Variants in DLG5 observed in about 807,000 individuals in gnomAD.
DLG5 encodes the protein discs large MAGUK scaffold protein 5.
In DLG5, 48 loss-of-function variants were observed where a neutral mutation model predicts 189.8. That is an observed-to-expected ratio of 0.25 (90% CI 0.20 to 0.32). The LOEUF (loss-of-function observed/expected upper bound fraction) is 0.32, where lower values mean the gene tolerates loss of function less well. Ranked by LOEUF, DLG5 falls within the 10% of genes least tolerant of loss-of-function variation. The pLI is 1.00. For missense variants in DLG5, 2,160 were observed against 2,544.7 expected (o/e 0.85, Z 3.25); for synonymous variants, 1,016 against 1,054.1 (o/e 0.96, Z 0.70).
chr10:77,890,886 G>A (rs1434031287), intron 1 of DLG5, among the ~76,000 whole-genome samples: 3 of 152,098 alleles, frequency 2.0e-5, no homozygotes, highest in Admixed American at 6.5e-5. Flanking sequence ...GCACTGGAGG[G>A]TCTCCATGGG....
intron 1 of DLG5, among the ~76,000 whole-genome samples, chr10:77,917,856 G>A (rs989019235): frequency 3.3e-5 from 5 of 151,422 alleles, no homozygotes; most frequent in African/African-American, 1.2e-4. Context: ...GTGAAACCCC[G>A]TCTCTACTAA....
rs1474111283 is a variant in DLG5 at position 77,856,825 on chromosome 10, C to T, written c.441G>A (p.Glu147=). 1 of 1,613,180 alleles carries T rather than the reference C, an allele frequency of 6.2e-7. No homozygotes were observed. Among genetic ancestry groups the T allele is most frequent in the Non-Finnish European group, 8.5e-7 (1 of 1,179,994 alleles). The stretch of plus-strand genomic sequence containing the variant: ...TCAGCCGCAGCTGAATGGAGAGGTT[C>T]TCCACCTTCTCATTCACTTGCTGGT... The part of the protein sequence containing the change: ...LTDQQVNEKV[E]NLSIQLRLMT... Residue 147 remains glutamate (E), a synonymous_variant, in exon 3 of 32, where the codon GAG becomes GAA. Coordinates refer to ENST00000372391, the MANE Select transcript of DLG5 (RefSeq NM_004747.4).
At chr10:77,884,501 T>G (rs1149722) in intron 1 of DLG5, among the ~76,000 whole-genome samples, 38,682 of 151,708 alleles carry the variant, frequency 0.25, 5,508 homozygotes, top group Admixed American at 0.39. Flanking sequence ...CGGAGCACAT[T>G]GTTTCTACAG....
Position 77,855,654 on chromosome 10 carries a change from G to A in DLG5, c.536+1076C>T, listed in dbSNP as rs73301342. 3.7e-3 allele frequency among the ~76,000 whole-genome samples: 563 copies of A among 152,322 alleles called. 3 individuals are homozygous for A. Among genetic ancestry groups the A allele is most frequent in the South Asian group, 0.024 (117 of 4,828 alleles). On this transcript the variant is annotated intron_variant, in intron 3 of 31. Transcript: ENST00000372391. ...AACTCTCATGTGCTAGCACATCCACGTCTTCACTCATCCTGCCTTCGGGCC... is the reference window on the plus strand; with the variant it reads ...AACTCTCATGTGCTAGCACATCCACATCTTCACTCATCCTGCCTTCGGGCC...
chr10:77,881,529 T>C (rs891227275), intron 1 of DLG5, among the ~76,000 whole-genome samples: 2 of 152,204 alleles, frequency 1.3e-5, no homozygotes, highest in Admixed American at 6.5e-5. Flanking sequence ...TCTCTGGCCT[T>C]GTCACTCCTC....
intron 1 of DLG5, among the ~76,000 whole-genome samples, chr10:77,900,971 C>T (rs1242362990): frequency 6.6e-6 from 1 of 150,554 alleles, no homozygotes; most frequent in Non-Finnish European, 1.5e-5. Context: ...GCAAGCAAGC[C>T]GGGCATGGTG....
intron 1 of DLG5, among the ~76,000 whole-genome samples, chr10:77,896,612 G>C (rs189321077): frequency 1.9e-3 from 287 of 152,214 alleles, no homozygotes; most frequent in Non-Finnish European, 3.2e-3. Flanking sequence ...AGGCCAAGGG[G>C]GGGTGGATCA....
chr10:77,840,723 AAAAG>A (rs1843376269), intron 7 of DLG5, among the ~76,000 whole-genome samples: 1 of 152,174 alleles, frequency 6.6e-6, no homozygotes, highest in East Asian at 1.9e-4. Context: ...CTCATAAAAA[AAAAG>A]AAAGAAAGAA....
chr10:77,792,626 T>C (rs991319010), intron 31 of DLG5, 83 bp from the exon 32 acceptor site: 7 of 1,282,254 alleles, frequency 5.5e-6, no homozygotes, highest in African/African-American at 1.5e-5. Context: ...TTGCACTCTT[T>C]CTACTGTGTG....
chr10:77,916,115 G>C (rs1222721869), intron 1 of DLG5, among the ~76,000 whole-genome samples: 2 of 152,004 alleles, frequency 1.3e-5, no homozygotes, highest in African/African-American at 4.8e-5. Flanking sequence ...AACTACTCAG[G>C]AGGCTGAGGC....
intron 17 of DLG5, 140 bp from the exon 18 acceptor site, chr10:77,818,029 T>C (rs933254722): frequency 1.4e-5 from 10 of 692,038 alleles, no homozygotes; most frequent in South Asian, 3.7e-5. Flanking sequence ...CAGCCGAGGA[T>C]AGCAGGCTGC....
chr10:77,793,693 T>C, intron 31 of DLG5: 1 of 358,882 alleles, frequency 2.8e-6, no homozygotes, highest in South Asian at 3.2e-5. Flanking sequence ...GTCCCCGCCC[T>C]GCCTGGGGAC....
At chr10:77,819,650 G>A (rs138346637) in intron 16 of DLG5, 185 bp from the exon 17 acceptor site, 2 of 1,034,202 alleles carry the variant, frequency 1.9e-6, no homozygotes, top group East Asian at 2.6e-5. Context: ...TTGTAAAAAG[G>A]GGGGAAGTCT....
chr10:77,830,502 C>T (rs1373884137), intron 10 of DLG5, among the ~76,000 whole-genome samples, 158 bp from the exon 11 acceptor site: 1 of 152,230 alleles, frequency 6.6e-6, no homozygotes, highest in Non-Finnish European at 1.5e-5. Context: ...TGAGTATCTG[C>T]AACCTGCCCC....
At chr10:77,869,334 G>C in intron 1 of DLG5, 137 bp from the exon 2 acceptor site, 1 of 758,812 alleles carries the variant, frequency 1.3e-6, no homozygotes, top group African/African-American at 1.8e-5. Flanking sequence ...CACGGGCCAA[G>C]CAGAGGAGGC....
chr10:77,910,765 G>GT (rs1468750354), intron 1 of DLG5, among the ~76,000 whole-genome samples: 1 of 152,164 alleles, frequency 6.6e-6, no homozygotes, highest in Non-Finnish European at 1.5e-5. Flanking sequence ...TGAAGTCAGA[G>GT]TTTGAGATCA....
chr10:77,865,272 C>A (rs1332544778), intron 2 of DLG5, among the ~76,000 whole-genome samples: 1 of 152,042 alleles, frequency 6.6e-6, no homozygotes, highest in Non-Finnish European at 1.5e-5. Flanking sequence ...GATAAATTGG[C>A]TTTGCAAAGG....
chr10:77,902,376 A>G (rs1187953118), intron 1 of DLG5, among the ~76,000 whole-genome samples: 2 of 152,124 alleles, frequency 1.3e-5, no homozygotes, highest in African/African-American at 4.8e-5. Context: ...CAAAGTCCAC[A>G]CCCTTTGACC....
chr10:77,866,829 G>A, intron 2 of DLG5: 1 of 387,628 alleles, frequency 2.6e-6, no homozygotes, highest in Non-Finnish European at 5.2e-6. Flanking sequence ...TGGTTAAGGT[G>A]GTATGAGTGG....
Sources: gnomAD v4.1 joint callset for allele counts (sites outside exome capture counted in the v4.1 genomes callset) on GRCh38, gnomAD v4.1.1 for gene constraint, MANE v1.5 for transcripts, NCBI Gene and HGNC (gene_info 2026-07-23, HGNC 2026-07-21) for gene names.